The following NFKBIB variants were observed in gnomAD, a reference collection of about 807,000 sequenced individuals.
NFKBIB encodes the protein NF-kappa-B inhibitor beta.
Under a neutral mutation model 32.1 loss-of-function variants are expected in NFKBIB, and 16 were observed. That is an observed-to-expected ratio of 0.50 (90% confidence interval 0.34 to 0.76). The LOEUF (loss-of-function observed/expected upper bound fraction) is 0.76. Among genes scored for constraint, NFKBIB ranks in the 30% least tolerant of loss-of-function variants. The pLI is 0.01. For missense variants in NFKBIB, 437 were observed against 514.9 expected, an observed-to-expected ratio of 0.85 and a Z score of 1.46; for synonymous variants, 222 against 219.5, an observed-to-expected ratio of 1.01 and a Z score of -0.10.
chr19:38,900,081 T>A lies in NFKBIB; in HGVS notation c.49T>A (p.Cys17Ser). The A allele has an allele frequency of 2.0e-6, 3 of 1,534,752 alleles. No homozygotes were observed. Among genetic ancestry groups the A allele is most frequent in the Non-Finnish European group, 2.6e-6 (3 of 1,144,726 alleles). The change falls in exon 1 of 6, where the codon TGC becomes AGC. Residue 17 changes from cysteine to serine, a missense_variant. Coordinates refer to ENST00000313582, the MANE Select transcript of NFKBIB (RefSeq NM_002503.5). ...AAAAGCTGCCGACGCAGATGAATGG[T>A]GCGACAGCGGCCTGGGCTCCCTGGG... ...LGKAADADEW[C>S]DSGLGSLGPD...
chr19:38,903,812 T>G (rs1439540605), intron 1 of NFKBIB, among the ~76,000 whole-genome samples: 2 of 151,930 alleles, frequency 1.3e-5, no homozygotes. Flanking sequence ...GGCTCACACC[T>G]GTAATCCCAG....
At chr19:38,902,085 C>CTTTTTTTTTTTTTTTTCTTTTTTTTTTTT (rs74176475) in intron 1 of NFKBIB, among the ~76,000 whole-genome samples, 1 of 92,368 alleles carries the variant, frequency 1.1e-5, no homozygotes, top group Non-Finnish European at 2.0e-5. Flanking sequence ...CATTTTATTT[C>CTTTTTTTTTTTTTTTTCTTTTTTTTTTTT]TTTTTTTTTT....
intron 1 of NFKBIB, 51 bp downstream of exon 1, chr19:38,900,262 T>A: frequency 6.6e-7 from 1 of 1,509,226 alleles, no homozygotes; most frequent in Non-Finnish European, 8.8e-7. Context: ...GGCGTCACAT[T>A]CCTCATTAAT....
rs74176475 is a variant in NFKBIB at position 38,902,085 on chromosome 19, C to CTTTTTTTTTTTTTTTTTTT, written c.179+1887_179+1888insTTTTTTTTTTTTTTTTTTT. Among the ~76,000 whole-genome samples the CTTTTTTTTTTTTTTTTTTT allele has an allele frequency of 1.2e-3, 114 of 92,364 alleles. 14 individuals are homozygous for CTTTTTTTTTTTTTTTTTTT. Among genetic ancestry groups the CTTTTTTTTTTTTTTTTTTT allele is most frequent in the East Asian group, 3.0e-3 (6 of 2,014 alleles). The allele number at this position is 92,364 out of a possible 152,430, so 60.6% of individuals were successfully genotyped here. On this transcript the variant is annotated intron_variant, in intron 1 of 5. Transcript: ENST00000313582. Reference sequence around the variant, plus strand: ...CTGTATAGTGTTTTTCATTTTATTTCTTTTTTTTTTTTTGAGATGGAGTCT... The same window carrying CTTTTTTTTTTTTTTTTTTT: ...CTGTATAGTGTTTTTCATTTTATTTCTTTTTTTTTTTTTTTTTTTTTTTTTTTTTTTTGAGATGGAGTCT...
At chr19:38,902,085 C>CTTTTCTTTTTTTTTT (rs1555739746) in intron 1 of NFKBIB, among the ~76,000 whole-genome samples, 2 of 92,368 alleles carry the variant, frequency 2.2e-5, no homozygotes, top group Non-Finnish European at 4.1e-5. Flanking sequence ...CATTTTATTT[C>CTTTTCTTTTTTTTTT]TTTTTTTTTT....
Position 38,900,115 on chromosome 19 carries a change from C to A in NFKBIB, c.83C>A (p.Ala28Glu). The change falls in exon 1 of 6, where the codon GCA (alanine) becomes GAA (glutamate). Residue 28 changes from alanine (A) to glutamate (E), a missense_variant. Ala to Glu is a moderately radical substitution (Grantham distance 107). Coordinates refer to ENST00000313582, the MANE Select transcript of NFKBIB (RefSeq NM_002503.5). Reference protein sequence around the residue: ...DSGLGSLGPDAAAPGGPGLGA... With the variant: ...DSGLGSLGPDEAAPGGPGLGA... ...GGCCTGGGCTCCCTGGGTCCGGACGCAGCGGCCCCCGGAGGACCTGGGTTG... is the reference window on the plus strand; with the variant it reads ...GGCCTGGGCTCCCTGGGTCCGGACGAAGCGGCCCCCGGAGGACCTGGGTTG... 6.3e-7 allele frequency: 1 copy of A among 1,578,572 alleles called. No homozygotes were observed. Among genetic ancestry groups the A allele is most frequent in the Non-Finnish European group, 8.6e-7 (1 of 1,167,192 alleles).
chr19:38,902,350 G>C (rs1035549399), intron 1 of NFKBIB, among the ~76,000 whole-genome samples: 1 of 152,008 alleles, frequency 6.6e-6, no homozygotes, highest in East Asian at 1.9e-4. Context: ...GATTACAGGC[G>C]TGAGCCACCG....
intron 3 of NFKBIB, among the ~76,000 whole-genome samples, chr19:38,906,317 T>G (rs775016668): frequency 2.0e-5 from 3 of 150,860 alleles, no homozygotes; most frequent in Non-Finnish European, 4.4e-5. Context: ...CTTATTTTTG[T>G]ATTTTTAGTA....
At chr19:38,904,035 G>A (rs1351742713) in intron 1 of NFKBIB, among the ~76,000 whole-genome samples, 2 of 151,800 alleles carry the variant, frequency 1.3e-5, no homozygotes, top group Admixed American at 6.6e-5. Flanking sequence ...GTGTCACTGC[G>A]CTCCAGCCTG....
chr19:38,907,582 G>C lies in NFKBIB; in HGVS notation c.892G>C (p.Ala298Pro). Reference protein sequence around the residue: ...ILARLLRAHGAPEPEGEDEKS... With the variant: ...ILARLLRAHGPPEPEGEDEKS... The stretch of plus-strand genomic sequence containing the variant: ...CGCCCGCCTCCTCCGTGCACACGGA[G>C]CCCCTGAGCCCGAGGGCGAGGACGA... Residue 298 changes from alanine to proline, a missense_variant, in exon 5 of 6, where the codon GCC becomes CCC. By Grantham distance (27) the Ala-to-Pro change is conservative. Coordinates refer to ENST00000313582, the MANE Select transcript of NFKBIB (RefSeq NM_002503.5). The C allele has an allele frequency of 6.2e-7, 1 of 1,612,432 alleles. No individual in the cohort carries two copies. Among genetic ancestry groups the C allele is most frequent in the Non-Finnish European group, 8.5e-7 (1 of 1,179,646 alleles).
At chr19:38,904,729 A>G (rs1323089084) in intron 1 of NFKBIB, among the ~76,000 whole-genome samples, 1 of 146,482 alleles carries the variant, frequency 6.8e-6, no homozygotes, top group East Asian at 2.1e-4. Context: ...GTTGCTTCAT[A>G]TACCGTATTT....
intron 1 of NFKBIB, among the ~76,000 whole-genome samples, chr19:38,903,957 C>T (rs187771978): frequency 0.01 from 1,534 of 152,052 alleles, 7 homozygotes; most frequent in Non-Finnish European, 0.017. Context: ...GTGGTTCCGG[C>T]TACTCGGGAG....
At chr19:38,901,327 A>G (rs1973953889) in intron 1 of NFKBIB, among the ~76,000 whole-genome samples, 1 of 151,390 alleles carries the variant, frequency 6.6e-6, no homozygotes, top group Non-Finnish European at 1.5e-5. Flanking sequence ...ACGAAGTCTC[A>G]CTCTGTCGCC....
At chr19:38,899,936 TG>T, upstream of NFKBIB, 1 of 1,244,310 alleles carries the variant, frequency 8.0e-7, no homozygotes, top group Non-Finnish European at 1.1e-6. Context: ...TCAGGGGGCG[TG>T]GTGGGGAATT....
chr19:38,905,243 G>A lies in NFKBIB; in HGVS notation c.327G>A (p.Thr109=), dbSNP rs772823835. Residue 109 remains threonine (T), a synonymous_variant, in exon 3 of 6, where the codon ACG becomes ACA. Transcript: ENST00000313582. This position sits in a 1 kb window ranked among gnomAD's most constrained non-coding sequence, Gnocchi z 5.5. ...HLAAILGETS[T]VEKLYAAGAG... ...CAGCCATCCTGGGGGAGACATCCAC[G>A]GTGGAGAAGCTGTACGCAGCAGGCG... 142 of 1,589,952 alleles carry A rather than the reference G, an allele frequency of 8.9e-5. No homozygotes were observed. Among genetic ancestry groups the A allele is most frequent in the Non-Finnish European group, 1.2e-4 (138 of 1,168,364 alleles).
intron 1 of NFKBIB, among the ~76,000 whole-genome samples, chr19:38,903,469 G>C (rs904368705): frequency 6.6e-6 from 1 of 151,788 alleles, no homozygotes; most frequent in Non-Finnish European, 1.5e-5. Context: ...TGTATTTTTT[G>C]TAGAGACAGG....
intron 1 of NFKBIB, among the ~76,000 whole-genome samples, chr19:38,901,710 C>T (rs1192228326): frequency 2.6e-5 from 4 of 152,114 alleles, no homozygotes; most frequent in African/African-American, 9.7e-5. Flanking sequence ...CCAGGCTGGT[C>T]TCAAACTCCT....
Position 38,905,254 on chromosome 19 carries a change from T to C in NFKBIB, c.338T>C (p.Leu113Pro), listed in dbSNP as rs1345627842. ...GGGGAGACATCCACGGTGGAGAAGC[T>C]GTACGCAGCAGGCGCCGGGCTGTGT... Reference protein sequence around the residue: ...ILGETSTVEKLYAAGAGLCVA... With the variant: ...ILGETSTVEKPYAAGAGLCVA... The change falls in exon 3 of 6, where the codon CTG (leucine) becomes CCG (proline). Residue 113 changes from leucine to proline, a missense_variant. Transcript: ENST00000313582. The surrounding 1 kb of genome is among the most constrained non-coding windows in gnomAD (Gnocchi z 5.5). 1.9e-6 allele frequency: 3 copies of C among 1,591,278 alleles called. No homozygotes were observed. The highest frequency in any genetic ancestry group is 2.6e-6 in the Non-Finnish European group (3 of 1,169,416).
chr19:38,908,458 G>A, intron 5 of NFKBIB: 3 of 987,166 alleles, frequency 3.0e-6, no homozygotes, highest in Non-Finnish European at 3.9e-6. Flanking sequence ...AGAATTGCTT[G>A]AACCTGGGAG....
Sources: gnomAD v4.1 joint callset for allele counts (sites outside exome capture counted in the v4.1 genomes callset) on GRCh38, gnomAD v4.1.1 for gene constraint, Gnocchi (gnomAD v3.1) non-coding constraint, MANE v1.5 for transcripts, NCBI Gene and HGNC (gene_info 2026-07-23, HGNC 2026-07-21) for gene names.